Variants in CFHR4 observed in about 807,000 individuals in gnomAD.
CFHR4 encodes complement factor H-related protein 4.
In CFHR4, 64 loss-of-function variants were observed where a neutral mutation model predicts 69.3. That is an observed-to-expected ratio of 0.92 (90% CI 0.76 to 1.14). The LOEUF is 1.14. CFHR4 is among the 50% of genes most tolerant of loss of function. The pLI is 0.00. For synonymous variants in CFHR4, 244 were observed against 237.0 expected (o/e 1.03, Z -0.27); for missense variants, 636 against 684.9 (o/e 0.93, Z 0.80).
chr1:196,904,695 T>G (rs1203710701), intron 2 of CFHR4, among the ~76,000 whole-genome samples: 2 of 151,606 alleles, frequency 1.3e-5, no homozygotes, highest in Non-Finnish European at 2.9e-5. Flanking sequence ...CAAATTTATT[T>G]CCTTGCCTGT....
intron 1 of CFHR4, among the ~76,000 whole-genome samples, chr1:196,891,484 T>A (rs1313836052): frequency 6.6e-6 from 1 of 151,256 alleles, no homozygotes; most frequent in Admixed American, 6.6e-5. Flanking sequence ...TGGAGCCAGT[T>A]CTGTAACTAG....
In CFHR4 at chr1:196,905,214, T is replaced by C. The variant is rs752542069; in HGVS notation, c.363T>C (p.Tyr121=). Residue 121 remains tyrosine, a synonymous_variant, in exon 3 of 10, where the codon TAT becomes TAC. Coordinates refer to ENST00000608469, the MANE Select transcript of CFHR4 (RefSeq NM_001201550.3). ...EETQYNCKPG[Y]ATAEGNSSGS... is the part of the protein sequence containing the mutation. ...CACAATATAATTGTAAACCAGGATA[T>C]GCAACAGCAGAGGGAAATTCTTCAG... The C allele has an allele frequency of 1.4e-5, 23 of 1,611,526 alleles. No individual in the cohort carries two copies. In the African/African-American group the frequency reaches 2.6e-4, roughly 18 times the overall value.
chr1:196,894,889 A>AAGAACAAC (rs111627820), intron 1 of CFHR4, among the ~76,000 whole-genome samples: 1 of 148,954 alleles, frequency 6.7e-6, no homozygotes, highest in Admixed American at 6.7e-5. Flanking sequence ...CTGTCTCTAA[A>AAGAACAAC]AACAACAACA....
Position 196,910,415 on chromosome 1 carries a change from G to A in CFHR4, c.934G>A (p.Gly312Arg). 1 of 1,612,784 alleles carries A rather than the reference G, an allele frequency of 6.2e-7. No homozygotes were observed. The highest frequency in any genetic ancestry group is 1.1e-5 in the South Asian group (1 of 91,040). ...YCDQNFVTPS[G>R]SYWDYIHCTQ... ...TGACCAAAATTTTGTGACTCCTTCAGGAAGTTACTGGGATTACATTCACTG... is the reference window on the plus strand; with the variant it reads ...TGACCAAAATTTTGTGACTCCTTCAAGAAGTTACTGGGATTACATTCACTG... The change falls in exon 6 of 10, where the codon GGA (glycine) becomes AGA (arginine). Residue 312 changes from glycine (G) to arginine (R), a missense_variant. Around this residue, in one of 3 missense-constraint regions of CFHR4, gnomAD observed 529 missense variants for 533.2 expected, o/e 0.99. Transcript: ENST00000608469.
In CFHR4 at chr1:196,915,119, G is replaced by A. The variant is rs371009491; in HGVS notation, c.1521G>A (p.Ser507=). ...TAACATGTAGTAATGGAGAGTGGTC[G>A]GAACCACCAAGATGCATACGTAAGT... ...NYVTCSNGEW[S]EPPRCIHPCI... is the part of the protein sequence containing the mutation. The change falls in exon 9 of 10, where the codon TCG becomes TCA. Residue 507 remains serine, a synonymous_variant. Transcript: ENST00000608469. The A allele has an allele frequency of 2.7e-5, 43 of 1,612,140 alleles. 1 individual carries two copies. Among genetic ancestry groups the A allele is most frequent in the African/African-American group, 2.3e-4 (17 of 74,248 alleles).
chr1:196,904,319 C>T (rs1234719906), intron 2 of CFHR4, among the ~76,000 whole-genome samples: 1 of 151,524 alleles, frequency 6.6e-6, no homozygotes, highest in East Asian at 1.9e-4. Context: ...ATGACAAATG[C>T]TTTATTATAA....
intron 1 of CFHR4, among the ~76,000 whole-genome samples, chr1:196,889,756 A>G (rs1466551386): frequency 2.0e-5 from 3 of 148,708 alleles, no homozygotes; most frequent in African/African-American, 7.4e-5. Flanking sequence ...ATACCTGAGA[A>G]TGTGACTGCA....
intron 5 of CFHR4, among the ~76,000 whole-genome samples, chr1:196,907,811 TA>T (rs542604705): frequency 6.6e-6 from 1 of 151,380 alleles, no homozygotes; most frequent in South Asian, 2.1e-4. Flanking sequence ...TTAACATCAA[TA>T]ACCATTTTCA....
At chr1:196,915,420 G>A (rs1322886666) in intron 9 of CFHR4, among the ~76,000 whole-genome samples, 2 of 151,342 alleles carry the variant, frequency 1.3e-5, no homozygotes, top group African/African-American at 4.9e-5. Context: ...GGCAGATCAC[G>A]AGGTCAGGAG....
intron 5 of CFHR4, among the ~76,000 whole-genome samples, chr1:196,909,396 C>A (rs1408100998): frequency 6.6e-6 from 1 of 151,346 alleles, no homozygotes; most frequent in Non-Finnish European, 1.5e-5. Context: ...GGAAAACATT[C>A]CAGAACAGCA....
chr1:196,895,084 T>A (rs1391665720), intron 1 of CFHR4, among the ~76,000 whole-genome samples: 2 of 151,126 alleles, frequency 1.3e-5, no homozygotes, highest in South Asian at 2.1e-4. Flanking sequence ...AAGAAAAAAG[T>A]TAGCCTGATA....
Position 196,912,993 on chromosome 1 carries a change from C to G in CFHR4, c.1180+71C>G, listed in dbSNP as rs1472959840. 4 of 1,600,668 alleles carry G rather than the reference C, an allele frequency of 2.5e-6. No homozygotes were observed. The South Asian group carries it at 3.4e-5, about 13-fold the overall frequency. On this transcript the variant is annotated intron_variant, in intron 7 of 9. Coordinates refer to ENST00000608469, the MANE Select transcript of CFHR4 (RefSeq NM_001201550.3). The stretch of plus-strand genomic sequence containing the variant: ...CTCTCTTTGAGATGATAGTGTTTTA[C>G]TTAAAAATATAGAAAACACTTTTAG...
At chr1:196,892,282 T>C (rs987753466) in intron 1 of CFHR4, among the ~76,000 whole-genome samples, 6 of 151,540 alleles carry the variant, frequency 4.0e-5, no homozygotes, top group African/African-American at 1.5e-4. Flanking sequence ...CACTAATTTA[T>C]ACACAGGAAA....
Position 196,910,300 on chromosome 1 carries a change from T to C in CFHR4, c.819T>C (p.Phe273=). 1 of 1,598,216 alleles carries C rather than the reference T, an allele frequency of 6.3e-7. No homozygotes were observed. Among genetic ancestry groups the C allele is most frequent in the Non-Finnish European group, 8.5e-7 (1 of 1,171,206 alleles). The change falls in exon 6 of 10, where the codon TTT becomes TTC. Residue 273 remains phenylalanine (F), a synonymous_variant. Coordinates refer to ENST00000608469, the MANE Select transcript of CFHR4 (RefSeq NM_001201550.3). ...PRCISMKPCE[F]PEIQHGHLYY... ...TACAAGCAATGAAACCTTGTGAGTT[T>C]CCAGAAATTCAACATGGACATCTAT...
intron 3 of CFHR4, among the ~76,000 whole-genome samples, chr1:196,906,009 A>G (rs1163862550): frequency 6.6e-6 from 1 of 151,542 alleles, no homozygotes; most frequent in Non-Finnish European, 1.5e-5. Context: ...TTTCCTCTTT[A>G]GGCATTCACC....
chr1:196,895,311 A>G (rs967771437), intron 1 of CFHR4, among the ~76,000 whole-genome samples: 2 of 151,468 alleles, frequency 1.3e-5, no homozygotes, highest in Non-Finnish European at 2.9e-5. Flanking sequence ...TAATCTCATT[A>G]AGTTCATTAA....
At chr1:196,890,969 G>T (rs1055191505) in intron 1 of CFHR4, among the ~76,000 whole-genome samples, 1 of 151,510 alleles carries the variant, frequency 6.6e-6, no homozygotes, top group East Asian at 1.9e-4. Flanking sequence ...TTAAGAAAAA[G>T]AATTTTTGGC....
At chr1:196,900,260 T>C (rs1657531523) in intron 1 of CFHR4, among the ~76,000 whole-genome samples, 1 of 150,128 alleles carries the variant, frequency 6.7e-6, no homozygotes, top group South Asian at 2.1e-4. Flanking sequence ...GACTAAGAAA[T>C]AGAATGAGGC....
Position 196,910,899 on chromosome 1 carries a change from A to G in CFHR4, c.997+421A>G, listed in dbSNP as rs368111951. On this transcript the variant is annotated intron_variant, in intron 6 of 9. Coordinates refer to ENST00000608469, the MANE Select transcript of CFHR4 (RefSeq NM_001201550.3). ...TCCTAATCTACCTTTTAATCATTTT[A>G]TGGTCTTTAGGACAATGTATTCTCA... Among the ~76,000 whole-genome samples the G allele has an allele frequency of 5.9e-5, 9 of 151,600 alleles. No homozygotes were observed. The East Asian group carries it at 1.2e-3, about 20-fold the overall frequency.
Sources: gnomAD v4.1 joint callset for allele counts (sites outside exome capture counted in the v4.1 genomes callset) on GRCh38, gnomAD v4.1.1 for gene constraint, gnomAD v4.1.1 regional missense constraint, MANE v1.5 for transcripts, NCBI Gene and HGNC (gene_info 2026-07-23, HGNC 2026-07-21) for gene names.